The following NIPAL3 variants were observed in gnomAD, a reference collection of about 807,000 sequenced individuals.
NIPAL3 encodes NIPA like domain containing 3, also known as NIPA-like protein 3.
Under a neutral mutation model 47.2 loss-of-function variants are expected in NIPAL3, and 41 were observed. That is an observed-to-expected ratio of 0.87 (90% confidence interval 0.68 to 1.13). The LOEUF (loss-of-function observed/expected upper bound fraction) is 1.13. Among genes scored for constraint, NIPAL3 ranks in the 50% most tolerant of loss-of-function variants. The pLI is 0.00. For missense variants in NIPAL3, 449 were observed against 530.1 expected, an observed-to-expected ratio of 0.85 and a Z score of 1.50; for synonymous variants, 194 against 209.6, an observed-to-expected ratio of 0.93 and a Z score of 0.64.
chr1:24,419,257 C>A, intron 1 of NIPAL3, 34 bp from the exon 2 acceptor site: 1 of 1,056,710 alleles, frequency 9.5e-7, no homozygotes, highest in Non-Finnish European at 1.2e-6. Context: ...TTTCCTTGTC[C>A]ATGCATTTTT....
chr1:24,454,439 T>C lies in NIPAL3; in HGVS notation c.637+935T>C. The C allele has an allele frequency of 1.0e-6, 1 of 1,001,228 alleles. No homozygotes were observed. The highest frequency in any genetic ancestry group is 4.2e-5 in the South Asian group (1 of 23,722). 62.0% of individuals were successfully genotyped at this position (1,001,228 alleles called of 1,614,324 possible). ...GGGGGTTAAATGAGATGTGCACAGGTGGCTAATATGTGCATTTTTCTTCCA... is the reference window on the plus strand; with the variant it reads ...GGGGGTTAAATGAGATGTGCACAGGCGGCTAATATGTGCATTTTTCTTCCA... On this transcript the variant is annotated intron_variant, in intron 7 of 11. Transcript: ENST00000374399. The surrounding 1 kb of genome is among the most constrained non-coding windows in gnomAD (Gnocchi z 4.1).
At chr1:24,457,804 C>G in intron 8 of NIPAL3, 1 of 533,398 alleles carries the variant, frequency 1.9e-6, no homozygotes, top group Non-Finnish European at 3.8e-6. Flanking sequence ...ACATGAAGCT[C>G]TTATGAGAAT....
chr1:24,423,164 G>A (rs1644410113), intron 2 of NIPAL3, among the ~76,000 whole-genome samples: 2 of 152,202 alleles, frequency 1.3e-5, no homozygotes, highest in Non-Finnish European at 2.9e-5. Flanking sequence ...CATATTGAAG[G>A]TGCTGAGTGC....
chr1:24,431,833 A>G (rs544436570), intron 2 of NIPAL3, among the ~76,000 whole-genome samples: 2 of 151,994 alleles, frequency 1.3e-5, no homozygotes, highest in African/African-American at 4.8e-5. Context: ...GTTGTGGAAC[A>G]GCTTTCTGCA....
chr1:24,456,410 G>C, intron 8 of NIPAL3, 137 bp downstream of exon 8: 1 of 1,260,108 alleles, frequency 7.9e-7, no homozygotes, highest in Non-Finnish European at 1.1e-6. Context: ...GGAGAGAGGA[G>C]CTGCTAATTT....
Position 24,471,594 on chromosome 1 carries a change from A to G in NIPAL3, c.*2409A>G, listed in dbSNP as rs2148875432. The G allele has an allele frequency of 6.6e-6, 1 of 151,988 alleles. No homozygotes were observed. Among genetic ancestry groups the G allele is most frequent in the South Asian group, 2.1e-4 (1 of 4,800 alleles). The allele number at this position is 151,988 out of a possible 1,614,324, so 9.4% of individuals were successfully genotyped here. On this transcript the variant is annotated 3_prime_UTR_variant, in exon 12 of 12. Transcript: ENST00000374399. ...ACCATGGCTCAAAAAAAAAAAAAAA[A>G]AAAAGATAAGCAGTGGAGGCCGAAT...
chr1:24,468,951 G>A (rs377293912), intron 11 of NIPAL3, 35 bp from the exon 12 acceptor site: 37 of 1,605,554 alleles, frequency 2.3e-5, no homozygotes, highest in South Asian at 1.2e-4. Context: ...CCCCCTTACC[G>A]CGTAATGATT....
At position 24,442,160 on chromosome 1, in the gene NIPAL3, G is replaced by A. The variant is rs1434551086; in HGVS notation, c.268G>A (p.Val90Met). The A allele has an allele frequency of 3.1e-6, 5 of 1,614,090 alleles. No homozygotes were observed. The highest frequency in any genetic ancestry group is 1.1e-5 in the South Asian group (1 of 91,092). Residue 90 changes from valine (V) to methionine (M), a missense_variant, in exon 4 of 12, where the codon GTG (valine) becomes ATG (methionine). By Grantham distance (21) the Val-to-Met change is conservative. Transcript: ENST00000374399. Reference sequence around the variant, plus strand: ...CCTGATGCTTCTGGGCGAGCTGGGTGTGTTCGCCTCCTACGCCTTCGCGCC... The same window carrying A: ...CCTGATGCTTCTGGGCGAGCTGGGTATGTTCGCCTCCTACGCCTTCGCGCC... The part of the protein sequence containing the change: ...LFLMLLGELG[V>M]FASYAFAPLS...
Position 24,416,565 on chromosome 1 carries a change from C to CAG in NIPAL3, c.-258+664_-258+665dup, listed in dbSNP as rs1644050015. ...GAGATAAACGGGGTGGGAATGGAAG[C>CAG]AGAGCACCTAGTGAATTCTCATTCC... is the stretch of plus-strand genomic sequence containing the variant. On this transcript the variant is annotated intron_variant, in intron 1 of 11. Coordinates refer to ENST00000374399, the MANE Select transcript of NIPAL3 (RefSeq NM_020448.5). The surrounding 1 kb of genome is among the most constrained non-coding windows in gnomAD (Gnocchi z 4.8). 6.5e-6 allele frequency: 1 copy of CAG among 154,990 alleles called. No homozygotes were observed. The highest frequency in any genetic ancestry group is 1.4e-5 in the Non-Finnish European group (1 of 70,668). 9.6% of individuals were successfully genotyped at this position (154,990 alleles called of 1,614,324 possible).
At chr1:24,458,430 A>G (rs530178401) in intron 8 of NIPAL3, among the ~76,000 whole-genome samples, 275 of 152,346 alleles carry the variant, frequency 1.8e-3, no homozygotes, top group Middle Eastern at 3.4e-3. Context: ...TATTTATTTC[A>G]GTGATCACAT....
chr1:24,425,090 C>A (rs777612751), intron 2 of NIPAL3, among the ~76,000 whole-genome samples: 2 of 152,066 alleles, frequency 1.3e-5, no homozygotes, highest in Non-Finnish European at 2.9e-5. Flanking sequence ...CAGCTCCCAG[C>A]AGGACATTGA....
upstream of NIPAL3, chr1:24,413,686 C>T (rs927682595): frequency 2.0e-5 from 3 of 152,312 alleles, no homozygotes; most frequent in African/African-American, 7.2e-5. Flanking sequence ...GGTCCGGTCC[C>T]GGCAGCTGAA....
Position 24,415,867 on chromosome 1 carries a change from A to C in NIPAL3, c.-295A>C. On this transcript the variant is annotated 5_prime_UTR_variant, in exon 1 of 12. Transcript: ENST00000374399. ...ACGAAGAGTCCGAGTCATTTCTCAGAAGGTTTTGATAGGTGGGCCTTAGAG... is the reference window on the plus strand; with the variant it reads ...ACGAAGAGTCCGAGTCATTTCTCAGCAGGTTTTGATAGGTGGGCCTTAGAG... The C allele has an allele frequency of 1.0e-6, 1 of 985,454 alleles. No homozygotes were observed. Among genetic ancestry groups the C allele is most frequent in the Non-Finnish European group, 1.2e-6 (1 of 829,956 alleles). 61.0% of individuals were successfully genotyped at this position (985,454 alleles called of 1,614,324 possible). A position where few individuals can be genotyped will look rare whatever the true frequency, so the allele number is the denominator to read the frequency against.
intron 11 of NIPAL3, among the ~76,000 whole-genome samples, chr1:24,466,876 C>T (rs763387903): frequency 2.0e-5 from 3 of 152,158 alleles, no homozygotes; most frequent in Non-Finnish European, 2.9e-5. Flanking sequence ...TTAAACTGTG[C>T]CCTTCAAAGA....
chr1:24,419,546 C>A lies in NIPAL3; in HGVS notation c.-2C>A. On this transcript the variant is annotated 5_prime_UTR_variant, in exon 2 of 12. Coordinates refer to ENST00000374399, the MANE Select transcript of NIPAL3 (RefSeq NM_020448.5). ...CCCTGTGGGATGCGCCACTAGACCA[C>A]CATGGACGGATCCCACAGCGCAGCC... is the stretch of plus-strand genomic sequence containing the variant. 6.2e-7 allele frequency: 1 copy of A among 1,613,032 alleles called. No homozygotes were observed. Among genetic ancestry groups the A allele is most frequent in the Admixed American group, 1.7e-5 (1 of 59,944 alleles).
At chr1:24,425,567 C>T (rs1644543854) in intron 2 of NIPAL3, among the ~76,000 whole-genome samples, 1 of 152,096 alleles carries the variant, frequency 6.6e-6, no homozygotes, top group Admixed American at 6.5e-5. Flanking sequence ...AAGAGCATGA[C>T]CTTTGGAATC....
chr1:24,445,308 C>A, intron 5 of NIPAL3, 64 bp downstream of exon 5: 1 of 1,152,440 alleles, frequency 8.7e-7, no homozygotes, highest in East Asian at 2.3e-5. Flanking sequence ...AATTGTAAAA[C>A]CAGTTCACTC....
chr1:24,425,307 A>AT (rs1308548069), intron 2 of NIPAL3, among the ~76,000 whole-genome samples: 9 of 141,650 alleles, frequency 6.4e-5, no homozygotes, highest in Admixed American at 7.4e-5. Flanking sequence ...ACATTATGAG[A>AT]TTTTTTTTGC....
chr1:24,467,392 C>T (rs928101088), intron 11 of NIPAL3, among the ~76,000 whole-genome samples: 3 of 152,060 alleles, frequency 2.0e-5, no homozygotes, highest in African/African-American at 7.2e-5. Flanking sequence ...ATGGTGTGAA[C>T]CCAGGAGGTG....
Sources: gnomAD v4.1 joint callset for allele counts (sites outside exome capture counted in the v4.1 genomes callset) on GRCh38, gnomAD v4.1.1 for gene constraint, Gnocchi (gnomAD v3.1) non-coding constraint, MANE v1.5 for transcripts, NCBI Gene and HGNC (gene_info 2026-07-23, HGNC 2026-07-21) for gene names.